The following SMCHD1 variants were observed in gnomAD, a reference collection of about 807,000 sequenced individuals.
SMCHD1 encodes the protein structural maintenance of chromosomes flexible hinge domain-containing protein 1.
Under a neutral mutation model 254.7 loss-of-function variants are expected in SMCHD1, and 78 were observed. That is an observed-to-expected ratio of 0.31 (90% confidence interval 0.26 to 0.37). The LOEUF is 0.37. Ranked by LOEUF, SMCHD1 falls within the 10% of genes least tolerant of loss-of-function variation. The pLI, the probability that SMCHD1 is intolerant of heterozygous loss-of-function variation, is 1.00. For missense variants in SMCHD1, 1,840 were observed against 2,408.1 expected (o/e 0.76, Z 4.94); for synonymous variants, 766 against 794.9 (o/e 0.96, Z 0.61).
rs1361657843 is a variant in SMCHD1, at chr18:2,718,783, C to T, written c.2458+349C>T. ...GACTAGGCTGGTCTCGATCTCATAACTTCTGATGATCTACCTGCCTCAGCC... is the reference window on the plus strand; with the variant it reads ...GACTAGGCTGGTCTCGATCTCATAATTTCTGATGATCTACCTGCCTCAGCC... On this transcript the variant is annotated intron_variant, in intron 19 of 47. Coordinates refer to ENST00000320876, the MANE Select transcript of SMCHD1 (RefSeq NM_015295.3). This position sits in a 1 kb window ranked among gnomAD's most constrained non-coding sequence, Gnocchi z 4.6. Among the ~76,000 whole-genome samples, 2 of 152,076 alleles carry T rather than the reference C, an allele frequency of 1.3e-5. No individual in the cohort carries two copies. Among genetic ancestry groups the T allele is most frequent in the African/African-American group, 2.4e-5 (1 of 41,392 alleles).
chr18:2,664,480 C>A (rs1598280851), intron 1 of SMCHD1, among the ~76,000 whole-genome samples: 2 of 152,124 alleles, frequency 1.3e-5, no homozygotes, highest in Middle Eastern at 6.8e-3. Flanking sequence ...CTTTAATATT[C>A]CACATTATGG....
chr18:2,685,764 G>A (rs117438244), intron 5 of SMCHD1, among the ~76,000 whole-genome samples: 1,773 of 152,186 alleles, frequency 0.012, 18 homozygotes, highest in Non-Finnish European at 0.018. Flanking sequence ...CATAATTTTC[G>A]AGGATCATCC....
chr18:2,664,884 T>G (rs1321690436), intron 1 of SMCHD1, among the ~76,000 whole-genome samples: 2 of 152,216 alleles, frequency 1.3e-5, no homozygotes, highest in Non-Finnish European at 1.5e-5. Flanking sequence ...AAAAGCAGTG[T>G]AAATAATTTG....
At chr18:2,706,067 C>T (rs1297568838) in intron 14 of SMCHD1, among the ~76,000 whole-genome samples, 1 of 151,978 alleles carries the variant, frequency 6.6e-6, no homozygotes, top group Non-Finnish European at 1.5e-5. Flanking sequence ...CCTCTAGGGC[C>T]CACTAACTAG....
chr18:2,698,183 T>G, intron 10 of SMCHD1, 142 bp downstream of exon 10: 1 of 592,248 alleles, frequency 1.7e-6, no homozygotes, highest in Non-Finnish European at 2.9e-6. Flanking sequence ...GATTGTTAGG[T>G]ATTTGTAATT....
At chr18:2,799,686 C>G (rs2076324979) in intron 47 of SMCHD1, among the ~76,000 whole-genome samples, 1 of 152,176 alleles carries the variant, frequency 6.6e-6, no homozygotes, top group Non-Finnish European at 1.5e-5. Flanking sequence ...CTCTGTTATT[C>G]TTAAAATCAC....
intron 37 of SMCHD1, among the ~76,000 whole-genome samples, chr18:2,768,881 T>C (rs558981294): frequency 1.6e-5 from 2 of 128,260 alleles, no homozygotes; most frequent in African/African-American, 4.9e-5. Flanking sequence ...CAGAAACTGA[T>C]TGGCAGTTGG....
rs1363021328 is a variant in SMCHD1, at chr18:2,740,752, A to G, written c.3564A>G (p.Pro1188=). Residue 1188 remains proline (P), a synonymous_variant, in exon 28 of 48, where the codon CCA becomes CCG. Coordinates refer to ENST00000320876, the MANE Select transcript of SMCHD1 (RefSeq NM_015295.3). ...QYGNQIQAFS[P]SSLSSLSIAG... is the part of the protein sequence containing the mutation. ...GAAATCAGATTCAAGCATTTTCACCAAGTTCTTTATCTTCTTTGTCAATTG... is the reference window on the plus strand; with the variant it reads ...GAAATCAGATTCAAGCATTTTCACCGAGTTCTTTATCTTCTTTGTCAATTG... The G allele has an allele frequency of 6.2e-7, 1 of 1,611,848 alleles. No individual in the cohort carries two copies. The highest frequency in any genetic ancestry group is 8.5e-7 in the Non-Finnish European group (1 of 1,178,748).
Position 2,771,666 on chromosome 18 carries a change from T to G in SMCHD1, c.5052+48T>G, listed in dbSNP as rs752134917. The G allele has an allele frequency of 2.9e-6, 4 of 1,369,452 alleles. No individual in the cohort carries two copies. In the East Asian group the frequency reaches 1.1e-4, roughly 36 times the overall value. The allele number at this position is 1,369,452 out of a possible 1,614,324, so 84.8% of individuals were successfully genotyped here. Reference sequence around the variant, plus strand: ...AAAGATTTTTTATTAAAGTCTATTCTACAATTTTCTCAATTATTCAGTTTT... The same window carrying G: ...AAAGATTTTTTATTAAAGTCTATTCGACAATTTTCTCAATTATTCAGTTTT... On this transcript the variant is annotated intron_variant, in intron 40 of 47. Transcript: ENST00000320876.
intron 29 of SMCHD1, among the ~76,000 whole-genome samples, chr18:2,745,760 T>A (rs1304983452): frequency 1.3e-5 from 2 of 152,174 alleles, no homozygotes; most frequent in Non-Finnish European, 2.9e-5. Flanking sequence ...CAAAAATTTA[T>A]TATAAGAGTT....
chr18:2,677,108 C>G (rs1165235662), intron 5 of SMCHD1, among the ~76,000 whole-genome samples: 3 of 151,766 alleles, frequency 2.0e-5, no homozygotes, highest in African/African-American at 7.3e-5. Flanking sequence ...CTGAGTGTTT[C>G]CTCAGCATTG....
At chr18:2,729,436 A>G in intron 24 of SMCHD1, 27 bp downstream of exon 24, 2 of 1,470,134 alleles carry the variant, frequency 1.4e-6, no homozygotes, top group South Asian at 2.8e-5. Flanking sequence ...ACTCATTGAT[A>G]TTATATTGAG....
rs1598264096 is a variant in SMCHD1, at chr18:2,655,827, C to T, written c.-249C>T. Reference sequence around the variant, plus strand: ...CCGGTGAGGAGCGCGCCGCGCGTCCCCTTCTCCTCAGGAGTGGCGGGCCGC... The same window carrying T: ...CCGGTGAGGAGCGCGCCGCGCGTCCTCTTCTCCTCAGGAGTGGCGGGCCGC... On this transcript the variant is annotated 5_prime_UTR_variant, in exon 1 of 48. Transcript: ENST00000320876. The T allele has an allele frequency of 5.9e-6, 2 of 336,994 alleles. No individual in the cohort carries two copies. Among genetic ancestry groups the T allele is most frequent in the East Asian group, 4.5e-5 (1 of 22,342 alleles). The allele number at this position is 336,994 out of a possible 1,614,324, so 20.9% of individuals were successfully genotyped here.
chr18:2,718,097 G>A lies in SMCHD1; in HGVS notation c.2261-61G>A, dbSNP rs184284169. The A allele has an allele frequency of 4.0e-4, 520 of 1,307,550 alleles. 4 individuals carry two copies. Among genetic ancestry groups the A allele is most frequent in the Non-Finnish European group, 3.5e-4 (329 of 930,916 alleles). The allele number at this position is 1,307,550 out of a possible 1,614,324, so 81.0% of individuals were successfully genotyped here. A position where few individuals can be genotyped will look rare whatever the true frequency, so the allele number is the denominator to read the frequency against. ...GTATTTGGTGCCAATGTGACATTGC[G>A]TATTTCATGTTTTACGTTGAATTTC... is the stretch of plus-strand genomic sequence containing the variant. On this transcript the variant is annotated intron_variant, in intron 17 of 47. Transcript: ENST00000320876. This position sits in a 1 kb window ranked among gnomAD's most constrained non-coding sequence, Gnocchi z 4.6.
At chr18:2,720,376 AT>A (rs2074898900) in intron 19 of SMCHD1, among the ~76,000 whole-genome samples, 1 of 152,172 alleles carries the variant, frequency 6.6e-6, no homozygotes, top group Admixed American at 6.5e-5. Flanking sequence ...TGAATTCAGT[AT>A]CTTTATTCTC....
intron 37 of SMCHD1, among the ~76,000 whole-genome samples, chr18:2,768,948 T>C (rs889536663): frequency 6.6e-6 from 1 of 152,122 alleles, no homozygotes; most frequent in Non-Finnish European, 1.5e-5. Flanking sequence ...AGCTGTAATT[T>C]ATAATTTTAT....
intron 17 of SMCHD1, among the ~76,000 whole-genome samples, chr18:2,715,901 A>G (rs1019488042): frequency 3.2e-4 from 49 of 151,998 alleles, no homozygotes; most frequent in African/African-American, 1.2e-3. Flanking sequence ...TATTTCAAAG[A>G]TTTCTTTTTG....
At chr18:2,780,547 G>A (rs769028422) in intron 44 of SMCHD1, among the ~76,000 whole-genome samples, 1 of 152,074 alleles carries the variant, frequency 6.6e-6, no homozygotes, top group Non-Finnish European at 1.5e-5. Flanking sequence ...AAGCTTGCTG[G>A]TAAGGATTGA....
chr18:2,783,169 G>C (rs1243876651), intron 44 of SMCHD1, among the ~76,000 whole-genome samples: 17 of 152,116 alleles, frequency 1.1e-4, no homozygotes, highest in Admixed American at 1.1e-3. Flanking sequence ...TGTATAACTT[G>C]TTGAGACATG....
Sources: allele counts gnomAD v4.1 joint callset (sites outside exome capture counted in the v4.1 genomes callset), GRCh38; gene constraint gnomAD v4.1.1; non-coding constraint Gnocchi (gnomAD v3.1); transcripts MANE v1.5; gene names NCBI Gene and HGNC (gene_info 2026-07-23, HGNC 2026-07-21).